PTPRG: variants seen among roughly 807,000 people sequenced by gnomAD.
PTPRG encodes protein tyrosine phosphatase receptor type G, also known as receptor-type tyrosine-protein phosphatase gamma.
Under a neutral mutation model 165.3 loss-of-function variants are expected in PTPRG, and 102 were observed. That is an observed-to-expected ratio of 0.62 (90% CI 0.53 to 0.73). The LOEUF (loss-of-function observed/expected upper bound fraction) is 0.73. Among genes scored for constraint, PTPRG ranks in the 30% least tolerant of loss-of-function variants. The pLI, the probability that PTPRG is intolerant of heterozygous loss-of-function variation, is 0.00. For missense variants in PTPRG, 1,866 were observed against 1,861.4 expected (o/e 1.00, Z -0.05); for synonymous variants, 675 against 669.5 (o/e 1.01, Z -0.13).
intron 6 of PTPRG, among the ~76,000 whole-genome samples, chr3:62,150,659 T>C (rs1346353131): frequency 6.6e-6 from 1 of 152,108 alleles, no homozygotes. Flanking sequence ...GAAAAGTTAA[T>C]TGCTTTTCCT....
At chr3:61,611,097 C>T (rs900979998) in intron 1 of PTPRG, among the ~76,000 whole-genome samples, 2 of 152,122 alleles carry the variant, frequency 1.3e-5, no homozygotes, top group East Asian at 1.9e-4. Context: ...CCACCGAGTC[C>T]GGTGTATTCT....
rs1467731957 is a variant in PTPRG at position 62,215,549 on chromosome 3, C to A, written c.2156-3302C>A. Among the ~76,000 whole-genome samples, 4 of 137,434 alleles carry A rather than the reference C, an allele frequency of 2.9e-5. No homozygotes were observed. In the South Asian group the frequency reaches 8.4e-4, roughly 29 times the overall value. The allele number at this position is 137,434 out of a possible 152,430, so 90.2% of individuals were successfully genotyped here. A position where few individuals can be genotyped will look rare whatever the true frequency, so the allele number is the denominator to read the frequency against. On this transcript the variant is annotated intron_variant, in intron 12 of 29. Coordinates refer to ENST00000474889, the MANE Select transcript of PTPRG (RefSeq NM_002841.4). The stretch of plus-strand genomic sequence containing the variant: ...TAGGCTCCAACCCCCTACGGGAACC[C>A]CCCCCCCCCGCCAATTATTACACAC...
intron 1 of PTPRG, among the ~76,000 whole-genome samples, chr3:61,738,915 C>T (rs541176610): frequency 6.6e-6 from 1 of 150,384 alleles, no homozygotes; most frequent in Non-Finnish European, 1.5e-5. Flanking sequence ...GCTGGAACCA[C>T]CTTGCCTGGC....
At position 62,015,390 on chromosome 3, in the gene PTPRG, T is replaced by G. The variant is rs79818918; in HGVS notation, c.519+11893T>G. On this transcript the variant is annotated intron_variant, in intron 4 of 29. Transcript: ENST00000474889. Reference sequence around the variant, plus strand: ...TGATGGTGTGAGGTCTTGGAGACCATGGGAAGCTCTGTGGCTTTTACTGCA... The same window carrying G: ...TGATGGTGTGAGGTCTTGGAGACCAGGGGAAGCTCTGTGGCTTTTACTGCA... Among the ~76,000 whole-genome samples, 1,039 of 152,340 alleles carry G rather than the reference T, an allele frequency of 6.8e-3. 15 individuals are homozygous for G. Among genetic ancestry groups the G allele is most frequent in the African/African-American group, 0.024 (992 of 41,582 alleles).
At chr3:62,279,237 G>A (rs549229936) in intron 26 of PTPRG, among the ~76,000 whole-genome samples, 239 of 152,074 alleles carry the variant, frequency 1.6e-3, no homozygotes, top group African/African-American at 5.4e-3. Context: ...CACAAAGTAC[G>A]GATATAGATG....
chr3:61,643,735 G>C (rs1474806414), intron 1 of PTPRG, among the ~76,000 whole-genome samples: 1 of 151,196 alleles, frequency 6.6e-6, no homozygotes, highest in African/African-American at 2.4e-5. Context: ...GTGCACTCCA[G>C]CCTGGGTAAC....
chr3:62,193,029 A>G (rs1699877829), intron 9 of PTPRG, among the ~76,000 whole-genome samples: 1 of 152,214 alleles, frequency 6.6e-6, no homozygotes, highest in Non-Finnish European at 1.5e-5. Context: ...GGGTCACGTT[A>G]GGGAATGATG....
intron 1 of PTPRG, among the ~76,000 whole-genome samples, chr3:61,683,878 C>G (rs1006734604): frequency 6.6e-6 from 1 of 152,162 alleles, no homozygotes; most frequent in Non-Finnish European, 1.5e-5. Flanking sequence ...TTAATAATAG[C>G]CTGTATGCAC....
At position 62,186,244 on chromosome 3, in the gene PTPRG, G is replaced by C. The variant is rs758876287; in HGVS notation, c.1034-5225G>C. Among the ~76,000 whole-genome samples, 4 of 152,152 alleles carry C rather than the reference G, an allele frequency of 2.6e-5. No individual in the cohort carries two copies. In the South Asian group the frequency reaches 8.3e-4, roughly 31 times the overall value. ...GATCCTCAACACATTTGAGGCTCCT[G>C]GCAGTGACCCCAGGAATGAATTGTG... On this transcript the variant is annotated intron_variant, in intron 8 of 29. Transcript: ENST00000474889.
At chr3:62,082,606 A>G (rs1701619369) in intron 5 of PTPRG, among the ~76,000 whole-genome samples, 1 of 152,182 alleles carries the variant, frequency 6.6e-6, no homozygotes, top group African/African-American at 2.4e-5. Context: ...AGTCTTATTC[A>G]TGTGTTCACA....
At chr3:62,106,922 C>T (rs1702493622) in intron 5 of PTPRG, among the ~76,000 whole-genome samples, 1 of 152,056 alleles carries the variant, frequency 6.6e-6, no homozygotes, top group South Asian at 2.1e-4. Flanking sequence ...ATATAATGAT[C>T]GATATTAATA....
At chr3:61,638,148 G>A (rs974756825) in intron 1 of PTPRG, among the ~76,000 whole-genome samples, 2 of 152,104 alleles carry the variant, frequency 1.3e-5, no homozygotes, top group African/African-American at 4.8e-5. Flanking sequence ...ATTCCCAAGT[G>A]GCCTTATAAA....
At chr3:62,013,033 A>G (rs1213262418) in intron 4 of PTPRG, among the ~76,000 whole-genome samples, 2 of 152,178 alleles carry the variant, frequency 1.3e-5, no homozygotes, top group East Asian at 3.8e-4. Context: ...CCTCCTTAAA[A>G]GAGGTAAAAA....
intron 5 of PTPRG, among the ~76,000 whole-genome samples, chr3:62,125,168 A>G (rs897082716): frequency 4.6e-5 from 7 of 152,212 alleles, no homozygotes; most frequent in Non-Finnish European, 8.8e-5. Flanking sequence ...AACATTCTAC[A>G]TATGATACCT....
At chr3:61,673,426 G>A (rs909280332) in intron 1 of PTPRG, among the ~76,000 whole-genome samples, 15 of 152,148 alleles carry the variant, frequency 9.9e-5, no homozygotes, top group African/African-American at 3.6e-4. Context: ...TCTCATTGAG[G>A]TAGTTCTCAG....
intron 2 of PTPRG, among the ~76,000 whole-genome samples, chr3:61,810,341 GA>G (rs1212942132): frequency 3.7e-4 from 57 of 152,276 alleles, no homozygotes; most frequent in African/African-American, 1.3e-3. Flanking sequence ...GTGCAGGACT[GA>G]AAGTATTGAT....
At chr3:61,644,640 T>C (rs185874117) in intron 1 of PTPRG, among the ~76,000 whole-genome samples, 49 of 152,348 alleles carry the variant, frequency 3.2e-4, no homozygotes, top group Non-Finnish European at 6.2e-4. Context: ...GTTTGGCTTT[T>C]GTTAACTGGA....
At chr3:61,598,388 C>T (rs1237788343) in intron 1 of PTPRG, among the ~76,000 whole-genome samples, 2 of 152,160 alleles carry the variant, frequency 1.3e-5, no homozygotes, top group East Asian at 1.9e-4. Context: ...TAGTGTCTGT[C>T]CTTTTACCCT....
chr3:61,653,916 T>C (rs1702438041), intron 1 of PTPRG, among the ~76,000 whole-genome samples: 1 of 144,180 alleles, frequency 6.9e-6, no homozygotes, highest in African/African-American at 2.5e-5. Flanking sequence ...CGCGGGGAAC[T>C]GTAAGGGAAC....
Sources: allele counts gnomAD v4.1 joint callset (sites outside exome capture counted in the v4.1 genomes callset), GRCh38; gene constraint gnomAD v4.1.1; transcripts MANE v1.5; gene names NCBI Gene and HGNC (gene_info 2026-07-23, HGNC 2026-07-21).